EXOC6B: variants seen among roughly 807,000 people sequenced by gnomAD.
EXOC6B encodes exocyst complex component 6B.
A neutral mutation model predicts 113.5 loss-of-function variants in EXOC6B; 54 were observed. The observed-to-expected ratio is 0.48, with a 90% CI of 0.38 to 0.60. The LOEUF is 0.60. Ranked by LOEUF, EXOC6B falls within the 20% of genes least tolerant of loss-of-function variation. EXOC6B has a pLI of 0.00. For missense variants in EXOC6B, 797 were observed against 977.5 expected, an observed-to-expected ratio of 0.82 and a Z score of 2.46; for synonymous variants, 357 against 339.0, an observed-to-expected ratio of 1.05 and a Z score of -0.58.
At chr2:72,340,703 A>G (rs1208245847) in intron 19 of EXOC6B, among the ~76,000 whole-genome samples, 1 of 152,188 alleles carries the variant, frequency 6.6e-6, no homozygotes, top group African/African-American at 2.4e-5. Context: ...ATTTAAGATC[A>G]TGTTAGGTCA....
intron 8 of EXOC6B, among the ~76,000 whole-genome samples, chr2:72,537,273 A>G (rs1010909354): frequency 5.3e-5 from 8 of 152,050 alleles, no homozygotes; most frequent in African/African-American, 1.4e-4. Context: ...TAGATTTTTC[A>G]CAGATGCCCT....
intron 20 of EXOC6B, among the ~76,000 whole-genome samples, chr2:72,249,968 T>C (rs188734941): frequency 6.6e-6 from 1 of 152,324 alleles, no homozygotes; most frequent in East Asian, 1.9e-4. Context: ...ATTTACTCAT[T>C]AGAATGTAAG....
At chr2:72,366,815 C>T (rs1040708796) in intron 19 of EXOC6B, among the ~76,000 whole-genome samples, 1 of 151,262 alleles carries the variant, frequency 6.6e-6, no homozygotes, top group African/African-American at 2.4e-5. Flanking sequence ...CCCTATTAAC[C>T]TAGAATTCAT....
intron 20 of EXOC6B, among the ~76,000 whole-genome samples, chr2:72,273,928 T>C (rs1297495707): frequency 6.6e-6 from 1 of 152,154 alleles, no homozygotes; most frequent in Non-Finnish European, 1.5e-5. Context: ...TGATAAAGTT[T>C]ATGATACATG....
At chr2:72,818,730 T>C (rs1016926776) in intron 1 of EXOC6B, among the ~76,000 whole-genome samples, 1 of 152,230 alleles carries the variant, frequency 6.6e-6, no homozygotes. Context: ...GTCTCTTTCT[T>C]AGTCTACATG....
chr2:72,575,159 T>G lies in EXOC6B; in HGVS notation c.846+333A>C, dbSNP rs564407889. Among the ~76,000 whole-genome samples, 5 of 152,170 alleles carry G rather than the reference T, an allele frequency of 3.3e-5. No homozygotes were observed. The South Asian group carries it at 1.0e-3, about 32-fold the overall frequency. On this transcript the variant is annotated intron_variant, in intron 7 of 21. Coordinates refer to ENST00000272427, the MANE Select transcript of EXOC6B (RefSeq NM_015189.3). ...TTTTTCTGGACTAACCGTTGCAGTT[T>G]CAGCCGAGGTCACCTAGACCTCCTG...
At chr2:72,804,752 C>T (rs564638937) in intron 1 of EXOC6B, among the ~76,000 whole-genome samples, 21 of 152,100 alleles carry the variant, frequency 1.4e-4, no homozygotes, top group African/African-American at 3.6e-4. Flanking sequence ...CGCACCACCA[C>T]GCCCAGCTAA....
At chr2:72,775,679 G>A (rs1683653494) in intron 1 of EXOC6B, among the ~76,000 whole-genome samples, 1 of 152,206 alleles carries the variant, frequency 6.6e-6, no homozygotes, top group African/African-American at 2.4e-5. Context: ...TGTAACATAT[G>A]ACCTCATTTA....
intron 20 of EXOC6B, among the ~76,000 whole-genome samples, chr2:72,244,841 C>T (rs1682551459): frequency 1.3e-5 from 2 of 151,926 alleles, no homozygotes; most frequent in African/African-American, 4.8e-5. Context: ...TCTTATATAC[C>T]AGAAATGAAG....
At chr2:72,386,034 C>T (rs1692004829) in intron 18 of EXOC6B, among the ~76,000 whole-genome samples, 1 of 152,014 alleles carries the variant, frequency 6.6e-6, no homozygotes, top group African/African-American at 2.4e-5. Context: ...GATATGAAAT[C>T]AGTATGTCAA....
chr2:72,692,335 C>G (rs1303695239), intron 6 of EXOC6B, among the ~76,000 whole-genome samples: 1 of 151,448 alleles, frequency 6.6e-6, no homozygotes, highest in Non-Finnish European at 1.5e-5. Context: ...GAATTTTCCT[C>G]TTCCTTTTTC....
At chr2:72,623,043 C>G (rs1304077334) in intron 6 of EXOC6B, among the ~76,000 whole-genome samples, 1 of 152,066 alleles carries the variant, frequency 6.6e-6, no homozygotes, top group Non-Finnish European at 1.5e-5. Context: ...TAATAATATT[C>G]GGTATCTTGA....
Position 72,307,161 on chromosome 2 carries a change from G to GTTTTTTTT in EXOC6B, c.2196+27778_2196+27785dup, listed in dbSNP as rs1553371308. Among the ~76,000 whole-genome samples, 3 of 128,498 alleles carry GTTTTTTTT rather than the reference G, an allele frequency of 2.3e-5. 1 individual carries two copies. The highest frequency in any genetic ancestry group is 1.1e-4 in the African/African-American group (3 of 26,204). 84.3% of individuals were successfully genotyped at this position (128,498 alleles called of 152,430 possible). On this transcript the variant is annotated intron_variant, in intron 20 of 21. Transcript: ENST00000272427. ...TCCATGACTGCAATGGTATAGTCCA[G>GTTTTTTTT]TTTTTTTTTTTTTGAGACGGAGTCT...
chr2:72,181,350 G>T (rs1215299464), intron 21 of EXOC6B, among the ~76,000 whole-genome samples: 1 of 152,178 alleles, frequency 6.6e-6, no homozygotes, highest in African/African-American at 2.4e-5. Context: ...GAAGAAGAAG[G>T]GGAAGTGACT....
intron 19 of EXOC6B, among the ~76,000 whole-genome samples, chr2:72,354,983 G>A (rs1480024589): frequency 6.6e-6 from 1 of 152,174 alleles, no homozygotes; most frequent in Non-Finnish European, 1.5e-5. Context: ...CCTGGGAGGT[G>A]GAGGAGAGAC....
chr2:72,479,485 T>C (rs1185483919), intron 17 of EXOC6B, among the ~76,000 whole-genome samples: 1 of 152,104 alleles, frequency 6.6e-6, no homozygotes, highest in African/African-American at 2.4e-5. Flanking sequence ...TAAATCATGG[T>C]TCCAACTCTA....
At chr2:72,700,348 C>A (rs1163071978) in intron 6 of EXOC6B, among the ~76,000 whole-genome samples, 5 of 151,572 alleles carry the variant, frequency 3.3e-5, no homozygotes, top group Admixed American at 2.0e-4. Flanking sequence ...AAATCCTGAC[C>A]AAATTTCTTA....
chr2:72,460,312 C>G (rs1466842261), intron 18 of EXOC6B, among the ~76,000 whole-genome samples: 1 of 152,032 alleles, frequency 6.6e-6, no homozygotes, highest in Non-Finnish European at 1.5e-5. Flanking sequence ...GACTTCATGT[C>G]TAAAACACCA....
intron 20 of EXOC6B, among the ~76,000 whole-genome samples, chr2:72,217,655 C>G (rs1018928529): frequency 2.6e-5 from 4 of 152,104 alleles, no homozygotes; most frequent in Admixed American, 1.3e-4. Context: ...GGGCCAGACA[C>G]AAGAGTGGAG....
Sources: allele counts gnomAD v4.1 joint callset (sites outside exome capture counted in the v4.1 genomes callset), GRCh38; gene constraint gnomAD v4.1.1; transcripts MANE v1.5; gene names NCBI Gene and HGNC (gene_info 2026-07-23, HGNC 2026-07-21).